The following GRID2 variants were observed in gnomAD, a reference collection of about 807,000 sequenced individuals.
The protein encoded by GRID2 is glutamate receptor ionotropic, delta-2.
In GRID2, 33 loss-of-function variants were observed where a neutral mutation model predicts 114.8. That is an observed-to-expected ratio of 0.29 (90% CI 0.22 to 0.38). GRID2 has a LOEUF of 0.38. Ranked by LOEUF, GRID2 falls within the 10% of genes least tolerant of loss-of-function variation. The pLI is 1.00. For missense variants in GRID2, 1,184 were observed against 1,257.7 expected (o/e 0.94, Z 0.89); for synonymous variants, 505 against 449.9 (o/e 1.12, Z -1.55).
chr4:93,230,848 T>C (rs1346348739), intron 7 of GRID2, among the ~76,000 whole-genome samples: 2 of 152,102 alleles, frequency 1.3e-5, no homozygotes, highest in Admixed American at 1.3e-4. Context: ...ATATGGCTTG[T>C]TTTTCAGTCT....
chr4:92,395,802 G>C (rs566562782), intron 1 of GRID2, among the ~76,000 whole-genome samples: 27 of 151,868 alleles, frequency 1.8e-4, no homozygotes, highest in African/African-American at 6.3e-4. Flanking sequence ...CTATTTCAAA[G>C]ATGAGAACAC....
chr4:93,106,627 C>G (rs1409375126), intron 3 of GRID2, among the ~76,000 whole-genome samples: 1 of 152,142 alleles, frequency 6.6e-6, no homozygotes, highest in African/African-American at 2.4e-5. Context: ...CCAGAGTACT[C>G]TCTTTTTTAA....
chr4:93,163,356 GTA>G (rs57285537), intron 4 of GRID2, among the ~76,000 whole-genome samples: 5,882 of 54,688 alleles, frequency 0.11, 223 homozygotes, highest in Non-Finnish European at 0.14. Flanking sequence ...TTTTTTTTGT[GTA>G]TATATATATA....
chr4:92,495,212 A>G (rs953121142), intron 1 of GRID2, among the ~76,000 whole-genome samples: 1 of 151,964 alleles, frequency 6.6e-6, no homozygotes, highest in Non-Finnish European at 1.5e-5. Context: ...ATTATCTGGA[A>G]TACATTTCAA....
At chr4:93,394,556 C>T (rs541833719) in intron 8 of GRID2, among the ~76,000 whole-genome samples, 2 of 151,854 alleles carry the variant, frequency 1.3e-5, no homozygotes, top group East Asian at 3.9e-4. Flanking sequence ...ACAGACAAAC[C>T]GCAATAAAAA....
intron 2 of GRID2, among the ~76,000 whole-genome samples, chr4:92,846,251 G>A (rs1392651811): frequency 6.6e-6 from 1 of 152,040 alleles, no homozygotes; most frequent in African/African-American, 2.4e-5. Context: ...TTGGAGTACA[G>A]ATGATCCCAC....
chr4:93,728,002 C>T (rs1730102265), intron 14 of GRID2, among the ~76,000 whole-genome samples: 2 of 152,072 alleles, frequency 1.3e-5, no homozygotes, highest in Non-Finnish European at 2.9e-5. Flanking sequence ...CTGCTCTGAT[C>T]TTAGTTATTT....
chr4:92,335,943 A>G (rs1412028599), intron 1 of GRID2, among the ~76,000 whole-genome samples: 1 of 152,160 alleles, frequency 6.6e-6, no homozygotes, highest in African/African-American at 2.4e-5. Flanking sequence ...TTTTATGAGG[A>G]CAAAATTTAT....
chr4:92,889,972 A>T (rs1430030799), intron 2 of GRID2, among the ~76,000 whole-genome samples: 1 of 152,164 alleles, frequency 6.6e-6, no homozygotes, highest in Non-Finnish European at 1.5e-5. Context: ...CACATTTACA[A>T]CCGTCTGATC....
chr4:93,175,760 T>A (rs1482403238), intron 4 of GRID2, among the ~76,000 whole-genome samples: 9 of 152,186 alleles, frequency 5.9e-5, no homozygotes, highest in Non-Finnish European at 1.0e-4. Flanking sequence ...CTGGAGTCCT[T>A]TTTCCATGTT....
At chr4:93,783,900 G>A (rs1734533040) in intron 1 of GRID2, among the ~76,000 whole-genome samples, 1 of 150,676 alleles carries the variant, frequency 6.6e-6, no homozygotes, top group Non-Finnish European at 1.5e-5. Context: ...GTGAAACCCC[G>A]TCTCTACTAA....
At chr4:92,765,841 G>A (rs1738234640) in intron 2 of GRID2, among the ~76,000 whole-genome samples, 1 of 152,156 alleles carries the variant, frequency 6.6e-6, no homozygotes, top group African/African-American at 2.4e-5. Flanking sequence ...GGAAACTCAA[G>A]GCATGTGCAA....
At chr4:93,677,434 C>A (rs1017906653) in intron 14 of GRID2, among the ~76,000 whole-genome samples, 6 of 152,156 alleles carry the variant, frequency 3.9e-5, no homozygotes, top group African/African-American at 1.4e-4. Flanking sequence ...CAGTGGTTCT[C>A]CCAGCACGCA....
chr4:92,310,581 CAT>C (rs1188826224), intron 1 of GRID2, among the ~76,000 whole-genome samples: 4 of 151,862 alleles, frequency 2.6e-5, no homozygotes, highest in South Asian at 2.1e-4. Flanking sequence ...ATTTGACAAA[CAT>C]ATGGGCAATG....
intron 2 of GRID2, among the ~76,000 whole-genome samples, chr4:92,785,072 C>CT (rs541472931): frequency 0.017 from 2,222 of 128,190 alleles, 56 homozygotes; most frequent in East Asian, 0.083. Flanking sequence ...TTTTGTGTTC[C>CT]TTTTTTTTTT....
chr4:93,267,524 C>G (rs1306173387), intron 8 of GRID2, among the ~76,000 whole-genome samples: 2 of 152,210 alleles, frequency 1.3e-5, no homozygotes, highest in Non-Finnish European at 2.9e-5. Flanking sequence ...GCCAACCTGG[C>G]AGGGCTTTCT....
At chr4:93,162,168 C>G (rs905238352) in intron 4 of GRID2, among the ~76,000 whole-genome samples, 1 of 151,686 alleles carries the variant, frequency 6.6e-6, no homozygotes, top group Non-Finnish European at 1.5e-5. Context: ...GAAATTTGAT[C>G]TCTGAATCCT....
At chr4:93,506,752 C>A (rs1288352173) in intron 12 of GRID2, among the ~76,000 whole-genome samples, 1 of 152,186 alleles carries the variant, frequency 6.6e-6, no homozygotes, top group Non-Finnish European at 1.5e-5. Context: ...TTGAAAAGTT[C>A]TCTCCATTTC....
At chr4:93,030,447 C>G (rs1840716) in intron 2 of GRID2, among the ~76,000 whole-genome samples, 53,073 of 150,156 alleles carry the variant, frequency 0.35, 9,656 homozygotes, top group Middle Eastern at 0.5. Flanking sequence ...TGCCATGGCT[C>G]AATCTCAGCT....
Sources: allele counts gnomAD v4.1 joint callset (sites outside exome capture counted in the v4.1 genomes callset), GRCh38; gene constraint gnomAD v4.1.1; transcripts MANE v1.5; gene names NCBI Gene and HGNC (gene_info 2026-07-23, HGNC 2026-07-21).